TC2N: variants seen among roughly 807,000 people sequenced by gnomAD.
TC2N encodes tandem C2 domains nuclear protein.
A neutral mutation model predicts 61.9 loss-of-function variants in TC2N; 51 were observed. The observed-to-expected ratio is 0.82, with a 90% CI of 0.66 to 1.04. TC2N has a LOEUF of 1.04. Ranked by LOEUF, TC2N falls within the 50% of genes least tolerant of loss-of-function variation. TC2N has a pLI of 0.00. For synonymous variants in TC2N, 204 were observed against 192.6 expected (o/e 1.06, Z -0.49); for missense variants, 556 against 566.7 (o/e 0.98, Z 0.19).
chr14:91,859,084 G>A (rs17127635), intron 1 of TC2N, among the ~76,000 whole-genome samples: 2,833 of 152,130 alleles, frequency 0.019, 96 homozygotes, highest in African/African-American at 0.065. Flanking sequence ...TCACCGCAAG[G>A]GGTCACCTTA....
intron 11 of TC2N, among the ~76,000 whole-genome samples, chr14:91,783,765 T>G (rs2139817186): frequency 6.6e-6 from 1 of 152,206 alleles, no homozygotes; most frequent in African/African-American, 2.4e-5. Flanking sequence ...ATGCAAATTG[T>G]ACAAAAGACA....
intron 1 of TC2N, among the ~76,000 whole-genome samples, chr14:91,819,313 CAG>C (rs961694877): frequency 3.9e-5 from 6 of 151,910 alleles, no homozygotes; most frequent in African/African-American, 1.4e-4. Context: ...CTGGGTGACA[CAG>C]AGAGACTCTG....
At chr14:91,795,645 T>C (rs1387858115) in intron 8 of TC2N, among the ~76,000 whole-genome samples, 1 of 152,164 alleles carries the variant, frequency 6.6e-6, no homozygotes, top group African/African-American at 2.4e-5. Flanking sequence ...GCACACTTAA[T>C]GGACTACAGT....
chr14:91,847,079 G>A (rs1199478825), intron 1 of TC2N, among the ~76,000 whole-genome samples: 2 of 152,160 alleles, frequency 1.3e-5, no homozygotes, highest in East Asian at 1.9e-4. Flanking sequence ...CCAACGTGGT[G>A]AAACACCATT....
chr14:91,801,466 C>A (rs1316809208), intron 4 of TC2N, among the ~76,000 whole-genome samples: 1 of 152,108 alleles, frequency 6.6e-6, no homozygotes, highest in Non-Finnish European at 1.5e-5. Flanking sequence ...CTAACCTGGG[C>A]AACATGGCAA....
intron 1 of TC2N, among the ~76,000 whole-genome samples, chr14:91,817,427 A>G (rs2139871548): frequency 6.6e-6 from 1 of 152,144 alleles, no homozygotes; most frequent in South Asian, 2.1e-4. Flanking sequence ...TGTCTTTAAA[A>G]AAAAAAAGTT....
chr14:91,843,206 G>A (rs1021526071), intron 1 of TC2N, among the ~76,000 whole-genome samples: 7 of 151,402 alleles, frequency 4.6e-5, no homozygotes, highest in South Asian at 2.1e-4. Context: ...CCCAGCAAGC[G>A]TGAGAAATAA....
Position 91,853,910 on chromosome 14 carries a change from T to C in TC2N, c.-57+13352A>G, listed in dbSNP as rs552675041. 2.8e-3 allele frequency among the ~76,000 whole-genome samples: 422 copies of C among 152,132 alleles called. 1 individual carries two copies. The highest frequency in any genetic ancestry group is 4.4e-3 in the Non-Finnish European group (302 of 68,002). ...GATGCATTGTTTGTGCAAACTTTTA[T>C]TGAATTAAAAAAAAAAGTAAGTACT... On this transcript the variant is annotated intron_variant, in intron 1 of 11. Transcript: ENST00000435962.
At chr14:91,788,194 A>AGGC (rs1885459670) in intron 9 of TC2N, among the ~76,000 whole-genome samples, 1 of 152,146 alleles carries the variant, frequency 6.6e-6, no homozygotes, top group Admixed American at 6.5e-5. Flanking sequence ...TGAGGCAGTA[A>AGGC]ATAATAAGGA....
At chr14:91,864,770 C>G (rs900178859) in intron 1 of TC2N, among the ~76,000 whole-genome samples, 5 of 142,322 alleles carry the variant, frequency 3.5e-5, no homozygotes, top group Non-Finnish European at 7.5e-5. Context: ...ATTTACCCTG[C>G]CTTCATCTTT....
At chr14:91,796,270 A>T (rs1379891726) in intron 8 of TC2N, among the ~76,000 whole-genome samples, 1 of 152,074 alleles carries the variant, frequency 6.6e-6, no homozygotes, top group Non-Finnish European at 1.5e-5. Context: ...ATACACATAC[A>T]TACATATATA....
intron 1 of TC2N, among the ~76,000 whole-genome samples, chr14:91,822,354 A>G (rs1031264868): frequency 1.3e-5 from 2 of 152,244 alleles, no homozygotes; most frequent in African/African-American, 4.8e-5. Context: ...ATATGGATGA[A>G]TCTCAAAATA....
At chr14:91,804,315 A>G (rs1886402681) in intron 3 of TC2N, among the ~76,000 whole-genome samples, 1 of 152,216 alleles carries the variant, frequency 6.6e-6, no homozygotes, top group Non-Finnish European at 1.5e-5. Flanking sequence ...TTTATATTCT[A>G]TGACCCAACA....
chr14:91,854,628 T>C (rs1421785095), intron 1 of TC2N, among the ~76,000 whole-genome samples: 4 of 152,196 alleles, frequency 2.6e-5, no homozygotes, highest in African/African-American at 9.7e-5. Context: ...AGGGTTGTCT[T>C]TGGAGTGTTC....
chr14:91,809,631 C>T (rs1886677894), intron 3 of TC2N, among the ~76,000 whole-genome samples: 1 of 152,014 alleles, frequency 6.6e-6, no homozygotes. Flanking sequence ...GACTTTTAGC[C>T]TGAGTACACA....
chr14:91,829,316 A>G (rs565396810), intron 1 of TC2N, among the ~76,000 whole-genome samples: 1 of 152,144 alleles, frequency 6.6e-6, no homozygotes, highest in South Asian at 2.1e-4. Context: ...CTTTCTCACT[A>G]TAATTCCTCA....
At chr14:91,827,935 A>G (rs1442610919) in intron 1 of TC2N, among the ~76,000 whole-genome samples, 1 of 152,120 alleles carries the variant, frequency 6.6e-6, no homozygotes, top group Non-Finnish European at 1.5e-5. Flanking sequence ...ACATATTTTG[A>G]TTCTATCTTG....
At chr14:91,859,843 T>C (rs1455893598) in intron 1 of TC2N, among the ~76,000 whole-genome samples, 2 of 152,178 alleles carry the variant, frequency 1.3e-5, no homozygotes, top group Non-Finnish European at 2.9e-5. Context: ...CAGGAGCAGC[T>C]GGAGGGAGTA....
At chr14:91,811,085 A>T (rs1886745046) in intron 3 of TC2N, among the ~76,000 whole-genome samples, 1 of 152,136 alleles carries the variant, frequency 6.6e-6, no homozygotes, top group South Asian at 2.1e-4. Context: ...AAATTCTACA[A>T]ATACTCACTT....
Sources: gnomAD v4.1 joint callset for allele counts (sites outside exome capture counted in the v4.1 genomes callset) on GRCh38, gnomAD v4.1.1 for gene constraint, MANE v1.5 for transcripts, NCBI Gene and HGNC (gene_info 2026-07-23, HGNC 2026-07-21) for gene names.